SF3B4: variants seen among roughly 807,000 people sequenced by gnomAD.
The protein encoded by SF3B4 is SAP 49.
Under a neutral mutation model 34.3 loss-of-function variants are expected in SF3B4, and 3 were observed. The ratio of observed to expected loss-of-function variants is 0.09; its 90% CI spans 0.04 to 0.23. The LOEUF is 0.23. SF3B4 is among the 10% of genes least tolerant of loss of function. The pLI, the probability that SF3B4 is intolerant of heterozygous loss-of-function variation, is 1.00. For synonymous variants in SF3B4, 216 were observed against 207.8 expected (o/e 1.04, Z -0.34); for missense variants, 283 against 567.2 (o/e 0.50, Z 5.09).
intron 4 of SF3B4, among the ~76,000 whole-genome samples, chr1:149,925,188 A>C (rs1015183560): frequency 6.6e-6 from 1 of 152,014 alleles, no homozygotes; most frequent in African/African-American, 2.4e-5. Flanking sequence ...CACCTGAAAA[A>C]AAAGAACACT....
chr1:149,927,467 C>T, intron 1 of SF3B4, 173 bp from the exon 2 acceptor site: 1 of 792,034 alleles, frequency 1.3e-6, no homozygotes, highest in Non-Finnish European at 2.0e-6. Flanking sequence ...TTCGGGAATC[C>T]TCTGAAGTCT....
At chr1:149,924,092 A>G (rs1349428670) in intron 4 of SF3B4, 78 bp from the exon 5 acceptor site, 1 of 1,230,066 alleles carries the variant, frequency 8.1e-7, no homozygotes, top group Non-Finnish European at 1.1e-6. Context: ...GAAGAAAACA[A>G]AATTAGAAAG....
In SF3B4 at chr1:149,923,669, T is replaced by C; in HGVS notation, c.1148A>G (p.His383Arg). The part of the protein sequence containing the change: ...MRGPPPLMPP[H>R]GYTGPPRPPP... ...GGGTCGTGGAGGGCCAGTGTATCCA[T>C]GGGGGGGCATCAGTGGAGGAGGTCC... Residue 383 changes from histidine to arginine, a missense_variant, in exon 6 of 6, where the codon CAT becomes CGT. Physicochemically the swap from His to Arg is conservative, Grantham distance 29. Around this residue, in one of 4 missense-constraint regions of SF3B4, gnomAD observed 208 missense variants for 292.6 expected, o/e 0.71. Transcript: ENST00000271628. The C allele has an allele frequency of 6.6e-7, 1 of 1,526,180 alleles. No individual in the cohort carries two copies. Among genetic ancestry groups the C allele is most frequent in the East Asian group, 2.5e-5 (1 of 39,256 alleles). 94.5% of individuals were successfully genotyped at this position (1,526,180 alleles called of 1,614,324 possible).
At chr1:149,925,772 G>A (rs1247957010) in intron 4 of SF3B4, 64 bp downstream of exon 4, 29 of 1,194,564 alleles carry the variant, frequency 2.4e-5, no homozygotes, top group Non-Finnish European at 3.5e-5. Flanking sequence ...AGGGCAGCAG[G>A]GTGAGTGGTA....
At chr1:149,925,070 C>G (rs1487058342) in intron 4 of SF3B4, among the ~76,000 whole-genome samples, 1 of 152,176 alleles carries the variant, frequency 6.6e-6, no homozygotes, top group Non-Finnish European at 1.5e-5. Context: ...AGAGACTGAA[C>G]TAGGGCACTG....
At position 149,926,393 on chromosome 1, in the gene SF3B4, G is replaced by C; in HGVS notation, c.689C>G (p.Ser230Cys). The change falls in exon 3 of 6, where the codon TCT (serine) becomes TGT (cysteine). Residue 230 changes from serine (S) to cysteine (C), a missense_variant. Coordinates refer to ENST00000271628, the MANE Select transcript of SF3B4 (RefSeq NM_005850.5). This position sits in a 1 kb window ranked among gnomAD's most constrained non-coding sequence, Gnocchi z 6.2. Reference sequence around the variant, plus strand: ...AGCTTTACCTGGTGGAGGAAGCCCAGACCCCAATGATGATACCACAGGATT... The same window carrying C: ...AGCTTTACCTGGTGGAGGAAGCCCACACCCCAATGATGATACCACAGGATT... ...APNPVVSSLG[S>C]GLPPPGMPPP... 3 of 1,607,600 alleles carry C rather than the reference G, an allele frequency of 1.9e-6. No individual in the cohort carries two copies. Among genetic ancestry groups the C allele is most frequent in the Non-Finnish European group, 1.7e-6 (2 of 1,174,876 alleles).
rs1553765660 is a variant in SF3B4, at chr1:149,923,896, A to G, written c.1032T>C (p.Pro344=). 1 of 1,605,968 alleles carries G rather than the reference A, an allele frequency of 6.2e-7. No homozygotes were observed. The highest frequency in any genetic ancestry group is 8.5e-7 in the Non-Finnish European group (1 of 1,177,630). ...PPRPPPGMPH[P]GPPPMGMPPR... is the part of the protein sequence containing the mutation. ...GGGGCATGCCCATTGGAGGAGGTCC[A>G]GGATGAGGCATTCCAGGTGGTGGTC... The change falls in exon 5 of 6, where the codon CCT becomes CCC. Residue 344 remains proline (P), a synonymous_variant. Coordinates refer to ENST00000271628, the MANE Select transcript of SF3B4 (RefSeq NM_005850.5).
At chr1:149,925,587 A>G (rs1553765875) in intron 4 of SF3B4, 2 of 505,708 alleles carry the variant, frequency 4.0e-6, no homozygotes, top group East Asian at 3.7e-5. Context: ...GTGGAGTCAG[A>G]GAAGAGAATG....
At position 149,926,763 on chromosome 1, in the gene SF3B4, G is replaced by A. The variant is rs972293227; in HGVS notation, c.319C>T (p.Leu107=). The change falls in exon 3 of 6, where the codon CTG becomes TTG. Residue 107 remains leucine, a synonymous_variant. Transcript: ENST00000271628. This position sits in a 1 kb window ranked among gnomAD's most constrained non-coding sequence, Gnocchi z 6.2. ...DVGANIFIGN[L]DPEIDEKLLY... ...AACTTCTCATCAATCTCAGGGTCCA[G>A]GTTCCCAATGAAAATGTTGGCCCCT... 2.5e-6 allele frequency: 4 copies of A among 1,614,160 alleles called. No individual in the cohort carries two copies. The highest frequency in any genetic ancestry group is 1.7e-5 in the Admixed American group (1 of 60,024).
In SF3B4 at chr1:149,926,404, T is replaced by C. The variant is rs1553766026; in HGVS notation, c.678A>G (p.Ser226=). 1.2e-6 allele frequency: 2 copies of C among 1,612,638 alleles called. No individual in the cohort carries two copies. The highest frequency in any genetic ancestry group is 1.1e-5 in the South Asian group (1 of 91,028). Residue 226 remains serine (S), a synonymous_variant, in exon 3 of 6, where the codon TCA becomes TCG. Coordinates refer to ENST00000271628, the MANE Select transcript of SF3B4 (RefSeq NM_005850.5). This position sits in a 1 kb window ranked among gnomAD's most constrained non-coding sequence, Gnocchi z 6.2. Reference sequence around the variant, plus strand: ...GTGGAGGAAGCCCAGACCCCAATGATGATACCACAGGATTGGGAGCAGAGG... The same window carrying C: ...GTGGAGGAAGCCCAGACCCCAATGACGATACCACAGGATTGGGAGCAGAGG... ...PPPSAPNPVV[S]SLGSGLPPPG...
At position 149,927,772 on chromosome 1, in the gene SF3B4, C is replaced by A. The variant is rs371400866; in HGVS notation, c.-13G>T. ...GCCCGGCAGCCATGGCGAAAGAGAT[C>A]CCGCCGTCTCCCAGCAGCGGTTCCG... On this transcript the variant is annotated 5_prime_UTR_variant, in exon 1 of 6. Coordinates refer to ENST00000271628, the MANE Select transcript of SF3B4 (RefSeq NM_005850.5). 19 of 1,552,174 alleles carry A rather than the reference C, an allele frequency of 1.2e-5. 1 individual carries two copies. Among genetic ancestry groups the A allele is most frequent in the African/African-American group, 8.2e-5 (6 of 73,056 alleles).
At chr1:149,925,785 A>C in intron 4 of SF3B4, 51 bp downstream of exon 4, 42 of 1,373,140 alleles carry the variant, frequency 3.1e-5, no homozygotes, top group Non-Finnish European at 4.0e-5. Flanking sequence ...GAGTGGTAAC[A>C]GAGATGCTCT....
In SF3B4 at chr1:149,926,941, G is replaced by A. The variant is rs782095506; in HGVS notation, c.164-23C>T. On this transcript the variant is annotated intron_variant, in intron 2 of 5. Transcript: ENST00000271628. This position sits in a 1 kb window ranked among gnomAD's most constrained non-coding sequence, Gnocchi z 6.2. ...AGCCTGGAAAAGTGGAGAAGAGGAGGTTAACAACGTAAGTAAAGAGACTGA... is the reference window on the plus strand; with the variant it reads ...AGCCTGGAAAAGTGGAGAAGAGGAGATTAACAACGTAAGTAAAGAGACTGA... The A allele has an allele frequency of 5.7e-5, 90 of 1,575,438 alleles. No individual in the cohort carries two copies. The East Asian group carries it at 1.9e-3, about 34-fold the overall frequency.
At chr1:149,924,059 G>A (rs782524042) in intron 4 of SF3B4, 45 bp from the exon 5 acceptor site, 6 of 1,439,282 alleles carry the variant, frequency 4.2e-6, no homozygotes, top group Non-Finnish European at 5.5e-6. Context: ...ACAAAGAGAA[G>A]GAGGCAAAGA....
In SF3B4 at chr1:149,923,974, G is replaced by T. The variant is rs781830864; in HGVS notation, c.954C>A (p.Gly318=). The change falls in exon 5 of 6, where the codon GGC becomes GGA. Residue 318 remains glycine, a synonymous_variant. Transcript: ENST00000271628. ...GGGGTCCAGCGTGGGGATGTCCTAA[G>T]CCATGAGGGCCATGGTGTGCAAGCT... ...QMQLAHHGPH[G]LGHPHAGPPG... is the part of the protein sequence containing the mutation. 5 of 1,574,236 alleles carry T rather than the reference G, an allele frequency of 3.2e-6. No individual in the cohort carries two copies. The Admixed American group carries it at 1.0e-4, about 32-fold the overall frequency.
At position 149,925,724 on chromosome 1, in the gene SF3B4, G is replaced by T. The variant is rs782032075; in HGVS notation, c.913+112C>A. Reference sequence around the variant, plus strand: ...TGTTTTTATAATAGAATGTCTGAAGGAAAGGAAAACTCTGAAACTGTTACT... The same window carrying T: ...TGTTTTTATAATAGAATGTCTGAAGTAAAGGAAAACTCTGAAACTGTTACT... On this transcript the variant is annotated intron_variant, in intron 4 of 5. Coordinates refer to ENST00000271628, the MANE Select transcript of SF3B4 (RefSeq NM_005850.5). 4.9e-6 allele frequency: 4 copies of T among 814,212 alleles called. No individual in the cohort carries two copies. The South Asian group carries it at 5.6e-5, about 11-fold the overall frequency. The allele number at this position is 814,212 out of a possible 1,614,324, so 50.4% of individuals were successfully genotyped here. A position where few individuals can be genotyped will look rare whatever the true frequency, so the allele number is the denominator to read the frequency against.
chr1:149,925,999 A>G lies in SF3B4; in HGVS notation c.750T>C (p.Pro250=). ...GGGGTATCCCAGGTGGGAGGGCTCC[A>G]GGAGGTGGCACTGGGGGTGGGAAGG... ...PGSFPPPVPP[P]GALPPGIPPA... Residue 250 remains proline (P), a synonymous_variant, in exon 4 of 6, where the codon CCT becomes CCC. Transcript: ENST00000271628. 1 of 1,507,612 alleles carries G rather than the reference A, an allele frequency of 6.6e-7. No individual in the cohort carries two copies. Among genetic ancestry groups the G allele is most frequent in the Non-Finnish European group, 8.9e-7 (1 of 1,126,270 alleles). The allele number at this position is 1,507,612 out of a possible 1,614,324, so 93.4% of individuals were successfully genotyped here. A position where few individuals can be genotyped will look rare whatever the true frequency, so the allele number is the denominator to read the frequency against.
rs1280925124 is a variant in SF3B4 at position 149,925,919 on chromosome 1, G to A, written c.830C>T (p.Ser277Leu). Reference sequence around the variant, plus strand: ...ATGTCCTGCCCCTGGGGTTCCTGCCGATGGGGGGCCATGTCCTGCAGCCCC... The same window carrying A: ...ATGTCCTGCCCCTGGGGTTCCTGCCAATGGGGGGCCATGTCCTGCAGCCCC... Reference protein sequence around the residue: ...PPGAAGHGPPSAGTPGAGHPG... With the variant: ...PPGAAGHGPPLAGTPGAGHPG... Residue 277 changes from serine (S) to leucine (L), a missense_variant, in exon 4 of 6, where the codon TCG becomes TTG. By Grantham distance (145) the Ser-to-Leu change is moderately radical. This residue lies in a region of SF3B4 where 208 missense variants were observed against 292.6 expected (regional missense o/e 0.71). Transcript: ENST00000271628. 6 of 1,585,056 alleles carry A rather than the reference G, an allele frequency of 3.8e-6. No individual in the cohort carries two copies. The highest frequency in any genetic ancestry group is 1.7e-5 in the Admixed American group (1 of 57,504).
At chr1:149,925,809 C>A in intron 4 of SF3B4, 27 bp downstream of exon 4, 1 of 1,584,036 alleles carries the variant, frequency 6.3e-7, no homozygotes, top group South Asian at 1.1e-5. Flanking sequence ...AAGCTCTTCC[C>A]TCCCTTTCCC....
Sources: allele counts gnomAD v4.1 joint callset (sites outside exome capture counted in the v4.1 genomes callset), GRCh38; gene constraint gnomAD v4.1.1; regional missense constraint gnomAD v4.1.1; non-coding constraint Gnocchi (gnomAD v3.1); transcripts MANE v1.5; gene names NCBI Gene and HGNC (gene_info 2026-07-23, HGNC 2026-07-21).